Variants in ATP8B3 observed in about 807,000 individuals in gnomAD.
The protein encoded by ATP8B3 is ATPase phospholipid transporting 8B3.
Under a neutral mutation model 140.9 loss-of-function variants are expected in ATP8B3, and 141 were observed. That is an observed-to-expected ratio of 1.00 (90% CI 0.87 to 1.15). The LOEUF (loss-of-function observed/expected upper bound fraction) is 1.15, where lower values mean the gene tolerates loss of function less well. Ranked by LOEUF, ATP8B3 falls within the 50% of genes most tolerant of loss-of-function variation. The pLI, the probability that ATP8B3 is intolerant of heterozygous loss-of-function variation, is 0.00. For synonymous variants in ATP8B3, 765 were observed against 714.6 expected (o/e 1.07, Z -1.13); for missense variants, 1,874 against 1,740.6 (o/e 1.08, Z -1.36).
rs948665497 is a variant in ATP8B3, at chr19:1,800,755, C to A, written c.1153-306G>T. Among the ~76,000 whole-genome samples, 2 of 151,984 alleles carry A rather than the reference C, an allele frequency of 1.3e-5. No homozygotes were observed. The highest frequency in any genetic ancestry group is 6.6e-5 in the Admixed American group (1 of 15,254). ...CCGAGGATCGCTTGAGCCCAGGAGGCTGCAGTGAGATATCATGGCGCCACT... is the reference window on the plus strand; with the variant it reads ...CCGAGGATCGCTTGAGCCCAGGAGGATGCAGTGAGATATCATGGCGCCACT... On this transcript the variant is annotated intron_variant, in intron 12 of 28. Coordinates refer to ENST00000310127, the MANE Select transcript of ATP8B3 (RefSeq NM_138813.4). The surrounding 1 kb of genome is among the most constrained non-coding windows in gnomAD (Gnocchi z 4.4).
Position 1,806,035 on chromosome 19 carries a change from G to A in ATP8B3, c.750+62C>T. 6.2e-7 allele frequency: 1 copy of A among 1,607,634 alleles called. No individual in the cohort carries two copies. The highest frequency in any genetic ancestry group is 8.5e-7 in the Non-Finnish European group (1 of 1,177,618). ...GGGTGCGGCAGCCCTCCCCACCCTG[G>A]GAGGGGTGCTCTCGGTGAGGGGGCG... On this transcript the variant is annotated intron_variant, in intron 8 of 28. Transcript: ENST00000310127. The surrounding 1 kb of genome is among the most constrained non-coding windows in gnomAD (Gnocchi z 5.6).
At chr19:1,803,281 A>G (rs892448696) in intron 10 of ATP8B3, among the ~76,000 whole-genome samples, 1 of 152,096 alleles carries the variant, frequency 6.6e-6, no homozygotes, top group Non-Finnish European at 1.5e-5. Context: ...CAGAAGAGAG[A>G]GGGGCCACAG....
Position 1,807,027 on chromosome 19 carries a change from C to A in ATP8B3, c.615+141G>T. On this transcript the variant is annotated intron_variant, in intron 6 of 28. Transcript: ENST00000310127. This position sits in a 1 kb window ranked among gnomAD's most constrained non-coding sequence, Gnocchi z 5.9. The stretch of plus-strand genomic sequence containing the variant: ...GCTAGCAGATAAGGACAATGTAGCC[C>A]CAGCAGCTGAGGCTCCCAGGCCCAC... 1.3e-6 allele frequency: 1 copy of A among 769,458 alleles called. No homozygotes were observed. Among genetic ancestry groups the A allele is most frequent in the East Asian group, 2.6e-5 (1 of 38,400 alleles). The allele number at this position is 769,458 out of a possible 1,614,324, so 47.7% of individuals were successfully genotyped here. A position where few individuals can be genotyped will look rare whatever the true frequency, so the allele number is the denominator to read the frequency against.
intron 2 of ATP8B3, 150 bp downstream of exon 2, chr19:1,811,339 C>T: frequency 8.8e-7 from 1 of 1,141,248 alleles, no homozygotes. Flanking sequence ...TCTAGCCCTG[C>T]ACCGGGGGCC....
chr19:1,782,097 C>G lies in ATP8B3; in HGVS notation c.*931G>C, dbSNP rs1312887506. The G allele has an allele frequency of 5.8e-6, 1 of 171,398 alleles. No homozygotes were observed. Among genetic ancestry groups the G allele is most frequent in the Non-Finnish European group, 1.2e-5 (1 of 82,522 alleles). The allele number at this position is 171,398 out of a possible 1,614,324, so 10.6% of individuals were successfully genotyped here. A position where few individuals can be genotyped will look rare whatever the true frequency, so the allele number is the denominator to read the frequency against. ...GAATTAGCGCTGGGGTCAGATGGAC[C>G]CTGGTTTATTAGAAAAAGAAAAGCA... On this transcript the variant is annotated 3_prime_UTR_variant, in exon 29 of 29. Transcript: ENST00000310127.
rs1178214141 is a variant in ATP8B3 at position 1,805,958 on chromosome 19, C to A, written c.751G>T (p.Ala251Ser). The change falls in exon 9 of 29, where the codon GCC becomes TCC. Residue 251 changes from alanine (A) to serine (S), a missense_variant and splice_region_variant. Coordinates refer to ENST00000310127, the MANE Select transcript of ATP8B3 (RefSeq NM_138813.4). The surrounding 1 kb of genome is among the most constrained non-coding windows in gnomAD (Gnocchi z 5.2). ...GTGCTGGCCAGCAAGAGCATGTCGGCCTGGTGTGGAGTGGGGGGCAGCGTT... is the reference window on the plus strand; with the variant it reads ...GTGCTGGCCAGCAAGAGCATGTCGGACTGGTGTGGAGTGGGGGGCAGCGTT... Reference protein sequence around the residue: ...VCLRKDNIVPADMLLLASTEP... With the variant: ...VCLRKDNIVPSDMLLLASTEP... The A allele has an allele frequency of 6.2e-6, 10 of 1,611,216 alleles. No homozygotes were observed. In the African/African-American group the frequency reaches 1.1e-4, roughly 17 times the overall value.
At position 1,789,926 on chromosome 19, in the gene ATP8B3, C is replaced by T; in HGVS notation, c.2442G>A (p.Gln814=). The T allele has an allele frequency of 1.2e-6, 2 of 1,612,188 alleles. No individual in the cohort carries two copies. The highest frequency in any genetic ancestry group is 1.7e-6 in the Non-Finnish European group (2 of 1,179,580). The part of the protein sequence containing the change: ...NNLLTRESLS[Q]VKLALVINGD... ...CGTTAATGACCAAGGCCAGCTTGAC[C>T]TGCGACAGGGACTCCCTGGTTAGAA... Residue 814 remains glutamine, a synonymous_variant, in exon 22 of 29, where the codon CAG becomes CAA. Coordinates refer to ENST00000310127, the MANE Select transcript of ATP8B3 (RefSeq NM_138813.4).
intron 14 of ATP8B3, among the ~76,000 whole-genome samples, chr19:1,797,891 A>G (rs970036186): frequency 6.6e-6 from 1 of 151,996 alleles, no homozygotes; most frequent in Admixed American, 6.6e-5. Context: ...TGCAGCCTCA[A>G]CCTCCCGGGC....
intron 10 of ATP8B3, among the ~76,000 whole-genome samples, chr19:1,804,204 G>A (rs973399376): frequency 2.0e-5 from 3 of 152,056 alleles, no homozygotes; most frequent in South Asian, 2.1e-4. Flanking sequence ...ATAAGAAACC[G>A]TCAAGCAGGC....
At chr19:1,796,375 C>T (rs1356111671) in intron 16 of ATP8B3, 110 bp from the exon 17 acceptor site, 1 of 1,084,324 alleles carries the variant, frequency 9.2e-7, no homozygotes, top group Non-Finnish European at 1.3e-6. Context: ...TGATGGTGGC[C>T]GGGGACCCCC....
At chr19:1,791,957 C>CCCGG in intron 19 of ATP8B3, 44 bp downstream of exon 19, 1 of 1,560,178 alleles carries the variant, frequency 6.4e-7, no homozygotes, top group Non-Finnish European at 8.7e-7. Flanking sequence ...TGGGTGCCCC[C>CCCGG]GCTGCCCACC....
chr19:1,783,040 T>A lies in ATP8B3; in HGVS notation c.3891A>T (p.Lys1297Asn). 6.2e-7 allele frequency: 1 copy of A among 1,606,944 alleles called. No individual in the cohort carries two copies. Reference sequence around the variant, plus strand: ...TCTTCCTGAGGTGTCACTGTGACTCTTTTGGGCTCGAAGCTGCCTCTTCAT... The same window carrying A: ...TCTTCCTGAGGTGTCACTGTGACTCATTTGGGCTCGAAGCTGCCTCTTCAT... ...PSDEEAASSP[K>N]ESQ Residue 1297 changes from lysine to asparagine, a missense_variant, in exon 29 of 29, where the codon AAA (lysine) becomes AAT (asparagine). Physicochemically the swap from Lys to Asn is moderately conservative, Grantham distance 94. Around this residue, in one of 3 missense-constraint regions of ATP8B3, gnomAD observed 840 missense variants for 760.9 expected, o/e 1.10. Transcript: ENST00000310127.
In ATP8B3 at chr19:1,788,892, C is replaced by T. The variant is rs373340155; in HGVS notation, c.3069+5G>A. 52 of 1,578,826 alleles carry T rather than the reference C, an allele frequency of 3.3e-5. No homozygotes were observed. In the South Asian group the frequency reaches 5.8e-4, roughly 18 times the overall value. On this transcript the variant is annotated splice_donor_5th_base_variant and intron_variant, in intron 24 of 28. Transcript: ENST00000310127. ...GTCATGGGGCAGCCAGGGTGGGGGA[C>T]GCACCTGGCCGGTGAAGCCGTTGTA...
intron 5 of ATP8B3, 116 bp downstream of exon 5, chr19:1,808,106 C>A: frequency 1.2e-6 from 1 of 803,450 alleles, no homozygotes; most frequent in South Asian, 1.6e-5. Flanking sequence ...AGGGACTCAG[C>A]GCTGAGGGTC....
chr19:1,800,317 C>G lies in ATP8B3; in HGVS notation c.1285G>C (p.Val429Leu), dbSNP rs543583339. The change falls in exon 13 of 29, where the codon GTC becomes CTC. Residue 429 changes from valine (V) to leucine (L), a missense_variant. This residue lies in a region of ATP8B3 where 1,032 missense variants were observed against 963.6 expected (regional missense o/e 1.07). Coordinates refer to ENST00000310127, the MANE Select transcript of ATP8B3 (RefSeq NM_138813.4). This position sits in a 1 kb window ranked among gnomAD's most constrained non-coding sequence, Gnocchi z 4.4. ...GSSVAAESFF[V>L]FWSFLILLSV... Reference sequence around the variant, plus strand: ...AGCAGGATGAGGAAGCTCCAGAAGACGAAGAAGGACTCTGCGGCCACGCTG... The same window carrying G: ...AGCAGGATGAGGAAGCTCCAGAAGAGGAAGAAGGACTCTGCGGCCACGCTG... 1 of 1,612,842 alleles carries G rather than the reference C, an allele frequency of 6.2e-7. No homozygotes were observed. The highest frequency in any genetic ancestry group is 1.7e-5 in the Admixed American group (1 of 59,996).
At position 1,782,878 on chromosome 19, in the gene ATP8B3, G is replaced by T; in HGVS notation, c.*150C>A. The T allele has an allele frequency of 9.9e-7, 1 of 1,005,100 alleles. No individual in the cohort carries two copies. Among genetic ancestry groups the T allele is most frequent in the Non-Finnish European group, 1.4e-6 (1 of 697,286 alleles). The allele number at this position is 1,005,100 out of a possible 1,614,324, so 62.3% of individuals were successfully genotyped here. On this transcript the variant is annotated 3_prime_UTR_variant, in exon 29 of 29. Transcript: ENST00000310127. The stretch of plus-strand genomic sequence containing the variant: ...TGCTGCTGGTGAGCACATATTTGGG[G>T]AGGGCAGGTTGGTTTTCTGGATGAA...
At position 1,791,841 on chromosome 19, in the gene ATP8B3, G is replaced by A. The variant is rs777784131; in HGVS notation, c.2211C>T (p.Ile737=). ...GGACACCGTCCTGGAGTCTGTCCTCGATGGCTGTGGCTCCCAGCAGCTGGT... is the reference window on the plus strand; with the variant it reads ...GGACACCGTCCTGGAGTCTGTCCTCAATGGCTGTGGCTCCCAGCAGCTGGT... ...ALQQLLGATA[I]EDRLQDGVPE... The change falls in exon 20 of 29, where the codon ATC becomes ATT. Residue 737 remains isoleucine (I), a synonymous_variant. Coordinates refer to ENST00000310127, the MANE Select transcript of ATP8B3 (RefSeq NM_138813.4). 5.4e-5 allele frequency: 87 copies of A among 1,611,162 alleles called. No homozygotes were observed. The highest frequency in any genetic ancestry group is 6.7e-5 in the Non-Finnish European group (79 of 1,179,792).
intron 11 of ATP8B3, 118 bp downstream of exon 11, chr19:1,802,369 C>T: frequency 4.5e-6 from 4 of 889,622 alleles, no homozygotes; most frequent in Non-Finnish European, 6.3e-6. Context: ...GTCTATCCAT[C>T]CATGCACTCA....
At chr19:1,809,821 C>T (rs1292774810) in intron 3 of ATP8B3, 87 bp from the exon 4 acceptor site, 29 of 1,281,250 alleles carry the variant, frequency 2.3e-5, no homozygotes, top group Admixed American at 4.0e-5. Context: ...TCATGGGGCC[C>T]GTGGGACCCA....
Sources: gnomAD v4.1 joint callset for allele counts (sites outside exome capture counted in the v4.1 genomes callset) on GRCh38, gnomAD v4.1.1 for gene constraint, gnomAD v4.1.1 regional missense constraint, Gnocchi (gnomAD v3.1) non-coding constraint, MANE v1.5 for transcripts, NCBI Gene and HGNC (gene_info 2026-07-23, HGNC 2026-07-21) for gene names.